Variants in ADAT2 observed in about 807,000 individuals in gnomAD.
ADAT2 encodes the protein adenosine deaminase tRNA specific 2, also known as tRNA-specific adenosine-34 deaminase catalytic subunit ADAT2.
Under a neutral mutation model 25.9 loss-of-function variants are expected in ADAT2, and 26 were observed. The observed-to-expected ratio is 1.00, with a 90% CI of 0.74 to 1.39. The LOEUF (loss-of-function observed/expected upper bound fraction) is 1.39. Ranked by LOEUF, ADAT2 falls within the 40% of genes most tolerant of loss-of-function variation. The probability of loss-of-function intolerance (pLI) is 0.00; values close to 1 mark genes in which losing one functional copy is unlikely to be tolerated. For missense variants in ADAT2, 220 were observed against 244.8 expected, an observed-to-expected ratio of 0.90 and a Z score of 0.68; for synonymous variants, 76 against 86.8, an observed-to-expected ratio of 0.88 and a Z score of 0.69.
At chr6:143,439,483 C>T (rs998423524) in intron 1 of ADAT2, among the ~76,000 whole-genome samples, 5 of 152,050 alleles carry the variant, frequency 3.3e-5, no homozygotes, top group African/African-American at 1.2e-4. Flanking sequence ...GTGTCCTATT[C>T]ATATAATGGA....
In ADAT2 at chr6:143,428,560, T is replaced by G. The variant is rs1053730504; in HGVS notation, c.532+52A>C. 2 of 1,612,546 alleles carry G rather than the reference T, an allele frequency of 1.2e-6. No homozygotes were observed. The highest frequency in any genetic ancestry group is 2.7e-5 in the African/African-American group (2 of 74,874). ...AATGAAGAGGTAAGCTCATAGCAGA[T>G]TCTCTTTGTATGGATTTAAGGGAAG... is the stretch of plus-strand genomic sequence containing the variant. On this transcript the variant is annotated intron_variant, in intron 5 of 5. Coordinates refer to ENST00000237283, the MANE Select transcript of ADAT2 (RefSeq NM_182503.3). This position sits in a 1 kb window ranked among gnomAD's most constrained non-coding sequence, Gnocchi z 5.0.
rs1441053972 is a variant in ADAT2 at position 143,437,715 on chromosome 6, T to C, written c.201+875A>G. 6.6e-5 allele frequency among the ~76,000 whole-genome samples: 10 copies of C among 152,352 alleles called. No homozygotes were observed. In the South Asian group the frequency reaches 1.9e-3, roughly 28 times the overall value. On this transcript the variant is annotated intron_variant, in intron 2 of 5. Coordinates refer to ENST00000237283, the MANE Select transcript of ADAT2 (RefSeq NM_182503.3). This position sits in a 1 kb window ranked among gnomAD's most constrained non-coding sequence, Gnocchi z 4.1. ...TCAGTTTTCTTTTCAATAGATGTGA[T>C]TGATAGATGAACTAGTTCCCACAGC...
intron 1 of ADAT2, among the ~76,000 whole-genome samples, chr6:143,439,802 A>G (rs1274729224): frequency 6.6e-6 from 1 of 152,200 alleles, no homozygotes; most frequent in Non-Finnish European, 1.5e-5. Flanking sequence ...AGATTGAAGG[A>G]TACATTTACA....
Position 143,438,488 on chromosome 6 carries a change from C to T in ADAT2, c.201+102G>A, listed in dbSNP as rs149001339. The T allele has an allele frequency of 3.0e-3, 2,306 of 767,758 alleles. 18 individuals carry two copies. The highest frequency in any genetic ancestry group is 0.02 in the South Asian group (963 of 47,474). 47.6% of individuals were successfully genotyped at this position (767,758 alleles called of 1,614,324 possible). A position where few individuals can be genotyped will look rare whatever the true frequency, so the allele number is the denominator to read the frequency against. ...AAAAGCTACCCACCACTGGCAGCTA[C>T]GGGACTATATTCAGTCTCACCTTCA... On this transcript the variant is annotated intron_variant, in intron 2 of 5. Transcript: ENST00000237283.
intron 1 of ADAT2, among the ~76,000 whole-genome samples, chr6:143,449,192 C>A (rs775241396): frequency 1.3e-5 from 2 of 152,144 alleles, no homozygotes; most frequent in Non-Finnish European, 2.9e-5. Context: ...GGACTACAGG[C>A]ACATGCCACC....
rs529429128 is a variant in ADAT2, at chr6:143,423,680, G to C, written c.*4783C>G. 3 of 152,350 alleles carry C rather than the reference G, an allele frequency of 2.0e-5. No individual in the cohort carries two copies. In the East Asian group the frequency reaches 5.8e-4, roughly 29 times the overall value. The allele number at this position is 152,350 out of a possible 1,614,324, so 9.4% of individuals were successfully genotyped here. The stretch of plus-strand genomic sequence containing the variant: ...ACTAATGGGCAGAGTGAGGGGGTCA[G>C]TGATTAGGAAATTACTAAGAGGAGA... On this transcript the variant is annotated 3_prime_UTR_variant, in exon 6 of 6. Transcript: ENST00000237283.
Position 143,440,498 on chromosome 6 carries a change from T to A in ADAT2, c.97-1804A>T, listed in dbSNP as rs964038745. The stretch of plus-strand genomic sequence containing the variant: ...GCAAACTGGGCCTCTCTTTTCTCCA[T>A]CTGGTTGGTGGGTCAGAGATGGGGC... On this transcript the variant is annotated intron_variant, in intron 1 of 5. Transcript: ENST00000237283. The surrounding 1 kb of genome is among the most constrained non-coding windows in gnomAD (Gnocchi z 4.5). Among the ~76,000 whole-genome samples the A allele has an allele frequency of 6.6e-6, 1 of 152,208 alleles. No homozygotes were observed. The highest frequency in any genetic ancestry group is 2.4e-5 in the African/African-American group (1 of 41,456).
In ADAT2 at chr6:143,434,076, C is replaced by A. The variant is rs1042613023; in HGVS notation, c.202-95G>T. 1.0e-4 allele frequency: 151 copies of A among 1,448,910 alleles called. No homozygotes were observed. The highest frequency in any genetic ancestry group is 2.0e-4 in the Middle Eastern group (1 of 5,028). The allele number at this position is 1,448,910 out of a possible 1,614,324, so 89.8% of individuals were successfully genotyped here. A position where few individuals can be genotyped will look rare whatever the true frequency, so the allele number is the denominator to read the frequency against. ...AACTAAGTACAAAATATGCGCCTAT[C>A]CTTTCTGCCAATATTTTAATGAATA... On this transcript the variant is annotated intron_variant, in intron 2 of 5. Transcript: ENST00000237283. This position sits in a 1 kb window ranked among gnomAD's most constrained non-coding sequence, Gnocchi z 4.5.
In ADAT2 at chr6:143,445,327, T is replaced by A. The variant is rs138894333; in HGVS notation, c.96+5236A>T. On this transcript the variant is annotated intron_variant, in intron 1 of 5. Coordinates refer to ENST00000237283, the MANE Select transcript of ADAT2 (RefSeq NM_182503.3). ...AGACACTGATGAAAGTTATGGACTG[T>A]CTCACTTGAAAAAGGCACACGCACA... 2.0e-3 allele frequency among the ~76,000 whole-genome samples: 298 copies of A among 152,098 alleles called. 2 individuals are homozygous for A. The highest frequency in any genetic ancestry group is 6.4e-3 in the African/African-American group (266 of 41,530).
chr6:143,434,139 C>A lies in ADAT2; in HGVS notation c.202-158G>T, dbSNP rs558563075. On this transcript the variant is annotated intron_variant, in intron 2 of 5. Coordinates refer to ENST00000237283, the MANE Select transcript of ADAT2 (RefSeq NM_182503.3). The surrounding 1 kb of genome is among the most constrained non-coding windows in gnomAD (Gnocchi z 4.5). ...ACCCTTAGCAGTGGACAACGTATTC[C>A]CCAATTCAAGTACCATAACCTCACT... 4.9e-4 allele frequency among the ~76,000 whole-genome samples: 74 copies of A among 152,210 alleles called. No individual in the cohort carries two copies. Among genetic ancestry groups the A allele is most frequent in the Non-Finnish European group, 9.6e-4 (65 of 67,996 alleles).
chr6:143,430,645 G>A (rs9496627), intron 4 of ADAT2, among the ~76,000 whole-genome samples: 41,987 of 151,738 alleles, frequency 0.28, 6,036 homozygotes, highest in Admixed American at 0.32. Flanking sequence ...CACTCACTGC[G>A]AGCTCTGCCT....
rs947691773 is a variant in ADAT2 at position 143,444,251 on chromosome 6, C to T, written c.97-5557G>A. Among the ~76,000 whole-genome samples the T allele has an allele frequency of 5.9e-5, 9 of 151,950 alleles. No homozygotes were observed. Among genetic ancestry groups the T allele is most frequent in the African/African-American group, 1.5e-4 (6 of 41,356 alleles). On this transcript the variant is annotated intron_variant, in intron 1 of 5. Transcript: ENST00000237283. This position sits in a 1 kb window ranked among gnomAD's most constrained non-coding sequence, Gnocchi z 4.3. ...GAAACAGAGAGCAAATATGAGCGAT[C>T]GGAATATTTTAAAAGGACAAATAAC...
chr6:143,429,170 T>C (rs1340423942), intron 4 of ADAT2, among the ~76,000 whole-genome samples: 2 of 152,208 alleles, frequency 1.3e-5, no homozygotes, highest in African/African-American at 4.8e-5. Flanking sequence ...GTTGGCAAAT[T>C]ATACTTGGTG....
chr6:143,425,596 CT>C lies in ADAT2; in HGVS notation c.*2866del, dbSNP rs1005757976. Reference sequence around the variant, plus strand: ...CTGGGATTATAGGGTAGTGGGAGAACTTCTTTACAGGACATTATTGGGTCAG... The same window carrying C: ...CTGGGATTATAGGGTAGTGGGAGAACTCTTTACAGGACATTATTGGGTCAG... On this transcript the variant is annotated 3_prime_UTR_variant, in exon 6 of 6. Transcript: ENST00000237283. 6.6e-6 allele frequency: 1 copy of C among 151,558 alleles called. No individual in the cohort carries two copies. The highest frequency in any genetic ancestry group is 2.4e-5 in the African/African-American group (1 of 41,188). The allele number at this position is 151,558 out of a possible 1,614,324, so 9.4% of individuals were successfully genotyped here.
chr6:143,443,540 T>TA (rs1284413475), intron 1 of ADAT2, among the ~76,000 whole-genome samples: 1 of 151,668 alleles, frequency 6.6e-6, no homozygotes, highest in East Asian at 1.9e-4. Flanking sequence ...CTAAAAAAAG[T>TA]AAAAAATAGG....
intron 1 of ADAT2, among the ~76,000 whole-genome samples, chr6:143,450,095 G>A (rs943729188): frequency 3.3e-5 from 5 of 152,266 alleles, no homozygotes; most frequent in African/African-American, 9.6e-5. Context: ...AGTGAGGGAA[G>A]GAAGTAAAAG....
rs1778907602 is a variant in ADAT2, at chr6:143,425,588, T to C, written c.*2875A>G. 1 of 151,334 alleles carries C rather than the reference T, an allele frequency of 6.6e-6. No individual in the cohort carries two copies. The highest frequency in any genetic ancestry group is 2.4e-5 in the African/African-American group (1 of 41,144). 9.4% of individuals were successfully genotyped at this position (151,334 alleles called of 1,614,324 possible). On this transcript the variant is annotated 3_prime_UTR_variant, in exon 6 of 6. Coordinates refer to ENST00000237283, the MANE Select transcript of ADAT2 (RefSeq NM_182503.3). ...GACTGGACCTGGGATTATAGGGTAG[T>C]GGGAGAACTTCTTTACAGGACATTA...
rs922469426 is a variant in ADAT2, at chr6:143,442,474, C to CAT, written c.97-3782_97-3781dup. Among the ~76,000 whole-genome samples, 3 of 128,000 alleles carry CAT rather than the reference C, an allele frequency of 2.3e-5. No homozygotes were observed. The highest frequency in any genetic ancestry group is 6.0e-5 in the African/African-American group (2 of 33,118). 84.0% of individuals were successfully genotyped at this position (128,000 alleles called of 152,430 possible). ...AACATGACAAAATTGCATAGGCACG[C>CAT]ATACACACACACACACACACACACA... is the stretch of plus-strand genomic sequence containing the variant. On this transcript the variant is annotated intron_variant, in intron 1 of 5. Coordinates refer to ENST00000237283, the MANE Select transcript of ADAT2 (RefSeq NM_182503.3). The surrounding 1 kb of genome is among the most constrained non-coding windows in gnomAD (Gnocchi z 4.6).
At position 143,428,811 on chromosome 6, in the gene ADAT2, T is replaced by C; in HGVS notation, c.460-127A>G. 1.2e-6 allele frequency: 1 copy of C among 853,008 alleles called. No homozygotes were observed. The highest frequency in any genetic ancestry group is 1.8e-6 in the Non-Finnish European group (1 of 556,436). The allele number at this position is 853,008 out of a possible 1,614,324, so 52.8% of individuals were successfully genotyped here. ...AGATGTTAATAAACTTTGGGGATAT[T>C]AGTAACATGGGTAAGGAGGTACACT... On this transcript the variant is annotated intron_variant, in intron 4 of 5. Coordinates refer to ENST00000237283, the MANE Select transcript of ADAT2 (RefSeq NM_182503.3). This position sits in a 1 kb window ranked among gnomAD's most constrained non-coding sequence, Gnocchi z 5.0.
Sources: gnomAD v4.1 joint callset for allele counts (sites outside exome capture counted in the v4.1 genomes callset) on GRCh38, gnomAD v4.1.1 for gene constraint, Gnocchi (gnomAD v3.1) non-coding constraint, MANE v1.5 for transcripts, NCBI Gene and HGNC (gene_info 2026-07-23, HGNC 2026-07-21) for gene names.